The following UTY variants were observed in gnomAD, a reference collection of about 807,000 sequenced individuals.
The protein encoded by UTY is histone demethylase UTY.
A neutral mutation model predicts 32.5 loss-of-function variants in UTY; 12 were observed. The observed-to-expected ratio is 0.37, with a 90% CI of 0.24 to 0.60. The LOEUF is 0.60. UTY is among the 20% of genes least tolerant of loss of function. UTY has a pLI of 0.69. For synonymous variants in UTY, 131 were observed against 103.4 expected, an observed-to-expected ratio of 1.27 and a Z score of -1.62; for missense variants, 303 against 299.2, an observed-to-expected ratio of 1.01 and a Z score of -0.09.
intron 15 of UTY, among the ~76,000 whole-genome samples, chrY:13,356,398 G>A (rs780545752): frequency 3.3e-5 from 1 of 30,347 alleles, no homozygotes; most frequent in South Asian, 7.9e-4. Context: ...CTTGTGATCC[G>A]CCTGCCTTGG....
intron 8 of UTY, among the ~76,000 whole-genome samples, chrY:13,388,365 C>T: frequency 3.0e-5 from 1 of 33,651 alleles, no homozygotes; most frequent in Non-Finnish European, 7.4e-5. Context: ...AATAACATTC[C>T]ATTGTGTATA....
At chrY:13,420,398 G>A in intron 4 of UTY, among the ~76,000 whole-genome samples, 1 of 33,131 alleles carries the variant, frequency 3.0e-5, no homozygotes, top group Non-Finnish European at 7.4e-5. Flanking sequence ...AAACAGCATG[G>A]TACTGGTCCA....
At chrY:13,414,486 C>T in intron 5 of UTY, among the ~76,000 whole-genome samples, 1 of 33,841 alleles carries the variant, frequency 3.0e-5, no homozygotes, top group Admixed American at 2.6e-4. Context: ...TTACGGCAAC[C>T]TACACATTGC....
At chrY:13,381,962 G>A (rs1028041267) in intron 8 of UTY, among the ~76,000 whole-genome samples, 1 of 32,869 alleles carries the variant, frequency 3.0e-5, no homozygotes, top group South Asian at 6.9e-4. Flanking sequence ...ACTATTTATT[G>A]TTATTTTAGA....
chrY:13,393,819 G>C, intron 8 of UTY, 40 bp downstream of exon 8: 1 of 352,830 alleles, frequency 2.8e-6, no homozygotes, highest in Non-Finnish European at 4.0e-6. Flanking sequence ...CTAAAGCATA[G>C]GTGACTGTTT....
chrY:13,450,822 T>TG (rs2076251819), intron 3 of UTY, among the ~76,000 whole-genome samples: 1 of 24,434 alleles, frequency 4.1e-5, no homozygotes, highest in African/African-American at 1.7e-4. Flanking sequence ...AGACTCTGTC[T>TG]GAAAAAAAAA....
intron 18 of UTY, among the ~76,000 whole-genome samples, chrY:13,327,115 T>C: frequency 3.0e-5 from 1 of 33,561 alleles, no homozygotes; most frequent in Non-Finnish European, 7.4e-5. Context: ...AACCTTAATA[T>C]TTTAACAAAT....
At chrY:13,356,798 CAAAAAA>C in intron 15 of UTY, among the ~76,000 whole-genome samples, 1 of 2,485 alleles carries the variant, frequency 4.0e-4, no homozygotes, top group South Asian at 8.6e-3. Flanking sequence ...ACTCTGTCTC[CAAAAAA>C]AAAAAAAAAA....
At chrY:13,362,913 T>G (rs767952725) in intron 10 of UTY, among the ~76,000 whole-genome samples, 4 of 32,242 alleles carry the variant, frequency 1.2e-4, no homozygotes, top group African/African-American at 4.8e-4. Flanking sequence ...TTACTTCCTT[T>G]TTTTTTTTTG....
At chrY:13,471,341 T>G in intron 2 of UTY, among the ~76,000 whole-genome samples, 1 of 33,840 alleles carries the variant, frequency 3.0e-5, no homozygotes, top group East Asian at 7.8e-4. Context: ...CCATCTTTAG[T>G]GTCAGAAAGC....
chrY:13,382,869 G>C, intron 8 of UTY, among the ~76,000 whole-genome samples: 1 of 33,591 alleles, frequency 3.0e-5, no homozygotes, highest in African/African-American at 1.2e-4. Context: ...TCCTATTATA[G>C]CACGAGTAAA....
chrY:13,262,855 T>C, intron 27 of UTY, among the ~76,000 whole-genome samples: 1 of 32,930 alleles, frequency 3.0e-5, no homozygotes, highest in African/African-American at 1.2e-4. Flanking sequence ...TGAGCCACCA[T>C]ACGTGACCAT....
At chrY:13,403,378 C>T (rs2069367477) in intron 6 of UTY, among the ~76,000 whole-genome samples, 2 of 31,533 alleles carry the variant, frequency 6.3e-5, no homozygotes, top group Admixed American at 5.7e-4. Flanking sequence ...ACTGGAACCG[C>T]CGAATCTCAG....
Position 13,254,469 on chromosome Y carries a change from T to C in UTY, c.4138-3282A>G. 8.9e-5 allele frequency among the ~76,000 whole-genome samples: 3 copies of C among 33,628 alleles called. No homozygotes were observed. The East Asian group carries it at 2.4e-3, about 26-fold the overall frequency. 90.2% of individuals were successfully genotyped at this position (33,628 alleles called of 37,273 possible). Reference sequence around the variant, plus strand: ...TCTAAGTTTGATAAAGAAGGGAACCTGATTTCGGGAAACGCCATGAGAGGC... The same window carrying C: ...TCTAAGTTTGATAAAGAAGGGAACCCGATTTCGGGAAACGCCATGAGAGGC... On this transcript the variant is annotated intron_variant, in intron 28 of 29. Coordinates refer to ENST00000545955, the MANE Select transcript of UTY (RefSeq NM_001258249.2).
At chrY:13,464,343 C>G (rs2077687685) in intron 3 of UTY, among the ~76,000 whole-genome samples, 1 of 33,867 alleles carries the variant, frequency 3.0e-5, no homozygotes, top group South Asian at 6.4e-4. Context: ...GATACACACT[C>G]CCAGCTAATG....
intron 8 of UTY, among the ~76,000 whole-genome samples, chrY:13,380,061 GTATATA>G (rs1204552573): frequency 5.5e-4 from 2 of 3,634 alleles, no homozygotes; most frequent in Non-Finnish European, 8.4e-4. Flanking sequence ...GTGTGTGTGT[GTATATA>G]TATATATATA....
At chrY:13,337,123 A>T in intron 17 of UTY, among the ~76,000 whole-genome samples, 1 of 33,316 alleles carries the variant, frequency 3.0e-5, no homozygotes, top group Non-Finnish European at 7.4e-5. Context: ...TAAATAACAC[A>T]GGTAAGAAGG....
chrY:13,297,535 T>C, intron 27 of UTY, 172 bp downstream of exon 27: 1 of 306,498 alleles, frequency 3.3e-6, no homozygotes, highest in South Asian at 4.3e-5. Flanking sequence ...TTTAATCTTA[T>C]GAGATTTTAT....
intron 2 of UTY, among the ~76,000 whole-genome samples, chrY:13,474,826 T>C (rs2078882975): frequency 3.0e-5 from 1 of 33,702 alleles, no homozygotes; most frequent in African/African-American, 1.2e-4. Flanking sequence ...CTTGAACTTC[T>C]GGACTCAACT....
Sources: allele counts gnomAD v4.1 joint callset (sites outside exome capture counted in the v4.1 genomes callset), GRCh38; gene constraint gnomAD v4.1.1; transcripts MANE v1.5; gene names NCBI Gene and HGNC (gene_info 2026-07-23, HGNC 2026-07-21).